GPSM3: variants seen among roughly 807,000 people sequenced by gnomAD.
GPSM3 encodes the protein G protein signaling modulator 3, also known as G protein-signaling modulator 3.
In GPSM3, 16 loss-of-function variants were observed where a neutral mutation model predicts 20.4. The ratio of observed to expected loss-of-function variants is 0.78; its 90% CI spans 0.53 to 1.19. The LOEUF is 1.19. Among genes scored for constraint, GPSM3 ranks in the 50% most tolerant of loss-of-function variants. The pLI, the probability that GPSM3 is intolerant of heterozygous loss-of-function variation, is 0.00. For synonymous variants in GPSM3, 70 were observed against 79.6 expected (o/e 0.88, Z 0.64); for missense variants, 177 against 204.6 (o/e 0.86, Z 0.82).
rs544726553 is a variant in GPSM3, at chr6:32,191,660, G to T, written c.345+49C>A. 1 of 1,524,074 alleles carries T rather than the reference G, an allele frequency of 6.6e-7. No homozygotes were observed. Among genetic ancestry groups the T allele is most frequent in the South Asian group, 1.2e-5 (1 of 81,530 alleles). The allele number at this position is 1,524,074 out of a possible 1,614,324, so 94.4% of individuals were successfully genotyped here. A position where few individuals can be genotyped will look rare whatever the true frequency, so the allele number is the denominator to read the frequency against. On this transcript the variant is annotated intron_variant, in intron 3 of 3. Transcript: ENST00000375040. This position sits in a 1 kb window ranked among gnomAD's most constrained non-coding sequence, Gnocchi z 5.9. ...GGAGTAGAGCCCCAAAGAGAACAGGGGCCAAGAGACCAGGAGGCCTGGGTT... is the reference window on the plus strand; with the variant it reads ...GGAGTAGAGCCCCAAAGAGAACAGGTGCCAAGAGACCAGGAGGCCTGGGTT...
Position 32,192,179 on chromosome 6 carries a change from T to G in GPSM3, c.114A>C (p.Pro38=). The change falls in exon 2 of 4, where the codon CCA becomes CCC. Residue 38 remains proline, a synonymous_variant. Coordinates refer to ENST00000375040, the MANE Select transcript of GPSM3 (RefSeq NM_001276501.2). This position sits in a 1 kb window ranked among gnomAD's most constrained non-coding sequence, Gnocchi z 5.1. ...GGCGGGTCCCTGGAGGAGGAGGGGATGGAGGAGCAGATCGCCAAGGCCGAG... is the reference window on the plus strand; with the variant it reads ...GGCGGGTCCCTGGAGGAGGAGGGGAGGGAGGAGCAGATCGCCAAGGCCGAG... ...STTRPWRSAP[P]SPPPPGTRHT... The G allele has an allele frequency of 2.0e-6, 3 of 1,508,830 alleles. No individual in the cohort carries two copies. Among genetic ancestry groups the G allele is most frequent in the Non-Finnish European group, 2.7e-6 (3 of 1,129,080 alleles). 93.5% of individuals were successfully genotyped at this position (1,508,830 alleles called of 1,614,324 possible).
chr6:32,191,580 T>C lies in GPSM3; in HGVS notation c.346-77A>G, dbSNP rs1787516750. On this transcript the variant is annotated intron_variant, in intron 3 of 3. Coordinates refer to ENST00000375040, the MANE Select transcript of GPSM3 (RefSeq NM_001276501.2). This position sits in a 1 kb window ranked among gnomAD's most constrained non-coding sequence, Gnocchi z 5.9. ...GGTTCTTGAGAGGATCAAGGGTTGG[T>C]ATGGGGAGGCATATAGGAAACCTGT... 1 of 1,506,234 alleles carries C rather than the reference T, an allele frequency of 6.6e-7. No homozygotes were observed. The highest frequency in any genetic ancestry group is 2.3e-5 in the East Asian group (1 of 43,760). 93.3% of individuals were successfully genotyped at this position (1,506,234 alleles called of 1,614,324 possible). A position where few individuals can be genotyped will look rare whatever the true frequency, so the allele number is the denominator to read the frequency against.
Position 32,191,930 on chromosome 6 carries a change from G to T in GPSM3, c.146-22C>A. The T allele has an allele frequency of 6.2e-7, 1 of 1,605,648 alleles. No individual in the cohort carries two copies. On this transcript the variant is annotated intron_variant, in intron 2 of 3. Transcript: ENST00000375040. This position sits in a 1 kb window ranked among gnomAD's most constrained non-coding sequence, Gnocchi z 5.9. ...AGGGCTGGGGAGAGGGGTGTGGAGG[G>T]CTCAGAGACCCAGAGAGGTTGGCAG... is the stretch of plus-strand genomic sequence containing the variant.
At position 32,191,280 on chromosome 6, in the gene GPSM3, C is replaced by A. The variant is rs1561899608; in HGVS notation, c.*86G>T. ...GTGCCGTGTCTTTCAGTCTCTGGTA[C>A]CCCTGCCAAGCAAGAGTTGAGGGCA... On this transcript the variant is annotated 3_prime_UTR_variant, in exon 4 of 4. Coordinates refer to ENST00000375040, the MANE Select transcript of GPSM3 (RefSeq NM_001276501.2). The surrounding 1 kb of genome is among the most constrained non-coding windows in gnomAD (Gnocchi z 5.9). The A allele has an allele frequency of 2.8e-6, 4 of 1,452,694 alleles. No homozygotes were observed. The highest frequency in any genetic ancestry group is 1.5e-5 in the African/African-American group (1 of 68,082). 90.0% of individuals were successfully genotyped at this position (1,452,694 alleles called of 1,614,324 possible).
Position 32,192,477 on chromosome 6 carries a change from C to G in GPSM3, c.37G>C (p.Glu13Gln). The change falls in exon 1 of 4, where the codon GAG becomes CAG. Residue 13 changes from glutamate (E) to glutamine (Q), a missense_variant. By Grantham distance (29) the Glu-to-Gln change is conservative. Coordinates refer to ENST00000375040, the MANE Select transcript of GPSM3 (RefSeq NM_001276501.2). This position sits in a 1 kb window ranked among gnomAD's most constrained non-coding sequence, Gnocchi z 5.1. ...AERPQEEEDG[E>Q]QGPPQDEEGW... is the part of the protein sequence containing the mutation. ...CAACCCCGTGCCCAGCTCACCTGCT[C>G]ACCATCCTCTTCTTCCTGGGGTCTC... 1 of 1,591,842 alleles carries G rather than the reference C, an allele frequency of 6.3e-7. No homozygotes were observed. The highest frequency in any genetic ancestry group is 8.6e-7 in the Non-Finnish European group (1 of 1,168,270).
At chr6:32,195,257 C>A, upstream of GPSM3, 1 of 633,114 alleles carries the variant, frequency 1.6e-6, no homozygotes, top group Non-Finnish European at 2.7e-6. The surrounding 1 kb of genome is among the most constrained non-coding windows in gnomAD (Gnocchi z 5.4). Context: ...AACCCTCTTT[C>A]CAGAGCTGCA....
chr6:32,191,526 A>G lies in GPSM3; in HGVS notation c.346-23T>C. 2 of 1,534,420 alleles carry G rather than the reference A, an allele frequency of 1.3e-6. No individual in the cohort carries two copies. The highest frequency in any genetic ancestry group is 2.3e-5 in the East Asian group (1 of 43,114). On this transcript the variant is annotated intron_variant, in intron 3 of 3. Coordinates refer to ENST00000375040, the MANE Select transcript of GPSM3 (RefSeq NM_001276501.2). This position sits in a 1 kb window ranked among gnomAD's most constrained non-coding sequence, Gnocchi z 5.9. Reference sequence around the variant, plus strand: ...GCACTGGAGGAGTGGAGGGAGAGGGAGAGCTTTGGTGAGGGTCTGAGAGGA... The same window carrying G: ...GCACTGGAGGAGTGGAGGGAGAGGGGGAGCTTTGGTGAGGGTCTGAGAGGA...
At chr6:32,194,570 T>C (rs1264248911), upstream of GPSM3, among the ~76,000 whole-genome samples, 2 of 152,092 alleles carry the variant, frequency 1.3e-5, no homozygotes, top group Non-Finnish European at 2.9e-5. The surrounding 1 kb of genome is among the most constrained non-coding windows in gnomAD (Gnocchi z 4.5). Flanking sequence ...GTGGCCCAGT[T>C]CCTAAGAGGC....
chr6:32,192,246 G>GGGC lies in GPSM3; in HGVS notation c.44_46dup (p.Gly15_Pro16insArg). ...GGGCCAGCCTTCCTCATCCTGAGGG[G>GGGC]GGCCCTGATGCCAAAATATGTCCAT... On this transcript the variant is annotated inframe_insertion, in exon 2 of 4. Transcript: ENST00000375040. This position sits in a 1 kb window ranked among gnomAD's most constrained non-coding sequence, Gnocchi z 5.1. The GGGC allele has an allele frequency of 3.9e-6, 6 of 1,521,188 alleles. No individual in the cohort carries two copies. The highest frequency in any genetic ancestry group is 5.3e-6 in the Non-Finnish European group (6 of 1,134,176). 94.2% of individuals were successfully genotyped at this position (1,521,188 alleles called of 1,614,324 possible). A position where few individuals can be genotyped will look rare whatever the true frequency, so the allele number is the denominator to read the frequency against.
chr6:32,191,812 C>T lies in GPSM3; in HGVS notation c.242G>A (p.Arg81Lys), dbSNP rs1272461453. The T allele has an allele frequency of 1.9e-6, 3 of 1,612,558 alleles. No homozygotes were observed. ...GTTTTGGGGGGTGTAGAAGGTGGCCCTCTGCTCCTCCAGGCGGCGGGACTG... is the reference window on the plus strand; with the variant it reads ...GTTTTGGGGGGTGTAGAAGGTGGCCTTCTGCTCCTCCAGGCGGCGGGACTG... ...EAQSRRLEEQ[R>K]ATFYTPQNPS... The change falls in exon 3 of 4, where the codon AGG becomes AAG. Residue 81 changes from arginine (R) to lysine (K), a missense_variant. Physicochemically the swap from Arg to Lys is conservative, Grantham distance 26. Coordinates refer to ENST00000375040, the MANE Select transcript of GPSM3 (RefSeq NM_001276501.2). The surrounding 1 kb of genome is among the most constrained non-coding windows in gnomAD (Gnocchi z 5.9).
At chr6:32,193,114 T>C (rs1385726919), upstream of GPSM3, 1 of 152,692 alleles carries the variant, frequency 6.5e-6, no homozygotes, top group Non-Finnish European at 1.5e-5. The surrounding 1 kb of genome is among the most constrained non-coding windows in gnomAD (Gnocchi z 4.7). Flanking sequence ...CTCAAATATA[T>C]ACATAAAACC....
rs1191627425 is a variant in GPSM3, at chr6:32,191,718, G to T, written c.336C>A (p.Leu112=). 1.9e-6 allele frequency: 3 copies of T among 1,605,350 alleles called. No individual in the cohort carries two copies. The highest frequency in any genetic ancestry group is 2.6e-6 in the Non-Finnish European group (3 of 1,174,394). ...TGGGGGGATGTCTTACCTGGTGACTGAGGATAGTGCTGTAAAGCTGTTCTC... is the reference window on the plus strand; with the variant it reads ...TGGGGGGATGTCTTACCTGGTGACTTAGGATAGTGCTGTAAAGCTGTTCTC... ...EDREQLYSTI[L]SHQCQRMEAQ... The change falls in exon 3 of 4, where the codon CTC becomes CTA. Residue 112 remains leucine (L), a synonymous_variant. Coordinates refer to ENST00000375040, the MANE Select transcript of GPSM3 (RefSeq NM_001276501.2). The surrounding 1 kb of genome is among the most constrained non-coding windows in gnomAD (Gnocchi z 5.9).
In GPSM3 at chr6:32,191,712, G is replaced by A; in HGVS notation, c.342C>T (p.His114=). 1 of 1,602,276 alleles carries A rather than the reference G, an allele frequency of 6.2e-7. No individual in the cohort carries two copies. The highest frequency in any genetic ancestry group is 8.5e-7 in the Non-Finnish European group (1 of 1,172,338). The part of the protein sequence containing the change: ...REQLYSTILS[H]QCQRMEAQRS... ...GCCTCCTGGGGGGATGTCTTACCTGGTGACTGAGGATAGTGCTGTAAAGCT... is the reference window on the plus strand; with the variant it reads ...GCCTCCTGGGGGGATGTCTTACCTGATGACTGAGGATAGTGCTGTAAAGCT... The change falls in exon 3 of 4, where the codon CAC becomes CAT. Residue 114 remains histidine (H), a synonymous_variant. Transcript: ENST00000375040. The surrounding 1 kb of genome is among the most constrained non-coding windows in gnomAD (Gnocchi z 5.9).
At position 32,191,835 on chromosome 6, in the gene GPSM3, C is replaced by G. The variant is rs372672592; in HGVS notation, c.219G>C (p.Gln73His). The G allele has an allele frequency of 5.7e-5, 92 of 1,612,202 alleles. No individual in the cohort carries two copies. The highest frequency in any genetic ancestry group is 7.1e-5 in the Non-Finnish European group (84 of 1,179,842). ...ELLLDLVAEA[Q>H]SRRLEEQRAT... Reference sequence around the variant, plus strand: ...CCCTCTGCTCCTCCAGGCGGCGGGACTGGGCTTCAGCCACCAGGTCCAGAA... The same window carrying G: ...CCCTCTGCTCCTCCAGGCGGCGGGAGTGGGCTTCAGCCACCAGGTCCAGAA... Residue 73 changes from glutamine to histidine, a missense_variant, in exon 3 of 4, where the codon CAG (glutamine) becomes CAC (histidine). Gln to His is a conservative substitution (Grantham distance 24). Coordinates refer to ENST00000375040, the MANE Select transcript of GPSM3 (RefSeq NM_001276501.2). The surrounding 1 kb of genome is among the most constrained non-coding windows in gnomAD (Gnocchi z 5.9).
upstream of GPSM3, chr6:32,195,350 G>C (rs1787792773): frequency 7.9e-7 from 1 of 1,272,436 alleles, no homozygotes; most frequent in Admixed American, 2.5e-5. This position sits in a 1 kb window ranked among gnomAD's most constrained non-coding sequence, Gnocchi z 5.4. Context: ...CTTCATTTTG[G>C]GGGATCCATC....
chr6:32,191,373 G>C lies in GPSM3; in HGVS notation c.476C>G (p.Thr159Ser). 1.9e-6 allele frequency: 3 copies of C among 1,583,946 alleles called. No individual in the cohort carries two copies. Among genetic ancestry groups the C allele is most frequent in the Non-Finnish European group, 2.6e-6 (3 of 1,170,004 alleles). The change falls in exon 4 of 4, where the codon ACC (threonine) becomes AGC (serine). Residue 159 changes from threonine to serine, a missense_variant. Thr to Ser is a moderately conservative substitution (Grantham distance 58, BLOSUM62 1). Transcript: ENST00000375040. This position sits in a 1 kb window ranked among gnomAD's most constrained non-coding sequence, Gnocchi z 5.9. ...EEQRSRPPTH[T>S]C is the part of the protein sequence containing the mutation. ...CTGGTTGGGGCTCAAGTCTCAGCAGGTGTGTGTGGGGGGCCGGGACCTTTG... is the reference window on the plus strand; with the variant it reads ...CTGGTTGGGGCTCAAGTCTCAGCAGCTGTGTGTGGGGGGCCGGGACCTTTG...
chr6:32,195,330 A>T, upstream of GPSM3: 1 of 1,082,674 alleles, frequency 9.2e-7, no homozygotes, highest in Non-Finnish European at 1.3e-6. The surrounding 1 kb of genome is among the most constrained non-coding windows in gnomAD (Gnocchi z 5.4). Context: ...GAGAAACTAA[A>T]CTCACAACCC....
rs1246435838 is a variant in GPSM3, at chr6:32,190,918, ATAGTCT to A, written c.*442_*447del. ...GGGTGCTGGTAGTGGGACTGGGAGA[ATAGTCT>A]TAATCTCTCAGGTGCCCACCCACCT... On this transcript the variant is annotated 3_prime_UTR_variant, in exon 4 of 4. Transcript: ENST00000375040. The A allele has an allele frequency of 5.7e-5, 9 of 157,544 alleles. No individual in the cohort carries two copies. Among genetic ancestry groups the A allele is most frequent in the African/African-American group, 2.2e-4 (9 of 41,610 alleles). The allele number at this position is 157,544 out of a possible 1,614,324, so 9.8% of individuals were successfully genotyped here.
In GPSM3 at chr6:32,191,689, C is replaced by T; in HGVS notation, c.345+20G>A. ...AAGAGACCAGGAGGCCTGGGTTTGCCTCCTGGGGGGATGTCTTACCTGGTG... is the reference window on the plus strand; with the variant it reads ...AAGAGACCAGGAGGCCTGGGTTTGCTTCCTGGGGGGATGTCTTACCTGGTG... On this transcript the variant is annotated intron_variant, in intron 3 of 3. Coordinates refer to ENST00000375040, the MANE Select transcript of GPSM3 (RefSeq NM_001276501.2). This position sits in a 1 kb window ranked among gnomAD's most constrained non-coding sequence, Gnocchi z 5.9. 6.3e-7 allele frequency: 1 copy of T among 1,582,872 alleles called. No homozygotes were observed. The highest frequency in any genetic ancestry group is 8.6e-7 in the Non-Finnish European group (1 of 1,160,702).
Sources: gnomAD v4.1 joint callset for allele counts (sites outside exome capture counted in the v4.1 genomes callset) on GRCh38, gnomAD v4.1.1 for gene constraint, Gnocchi (gnomAD v3.1) non-coding constraint, MANE v1.5 for transcripts, NCBI Gene and HGNC (gene_info 2026-07-23, HGNC 2026-07-21) for gene names.